LIN28B: variants seen among roughly 807,000 people sequenced by gnomAD.
LIN28B encodes the protein protein lin-28 homolog B.
A neutral mutation model predicts 21.9 loss-of-function variants in LIN28B; 5 were observed. That is an observed-to-expected ratio of 0.23 (90% CI 0.12 to 0.48). The LOEUF is 0.48. Among genes scored for constraint, LIN28B ranks in the 20% least tolerant of loss-of-function variants. The pLI, the probability that LIN28B is intolerant of heterozygous loss-of-function variation, is 0.98. For missense variants in LIN28B, 245 were observed against 310.5 expected (o/e 0.79, Z 1.58); for synonymous variants, 109 against 111.3 (o/e 0.98, Z 0.13).
At chr6:105,073,003 C>T (rs1206509275) in intron 3 of LIN28B, among the ~76,000 whole-genome samples, 2 of 151,962 alleles carry the variant, frequency 1.3e-5, no homozygotes, top group African/African-American at 4.8e-5. Context: ...CAGGATCTGC[C>T]CCTCTTACCT....
chr6:105,026,177 C>A, intron 2 of LIN28B, 121 bp from the exon 3 acceptor site: 1 of 526,264 alleles, frequency 1.9e-6, no homozygotes, highest in South Asian at 6.0e-5. Flanking sequence ...GAACTTAAGA[C>A]TTTATACTTT....
chr6:104,992,520 T>G (rs1398767308), intron 2 of LIN28B, among the ~76,000 whole-genome samples: 1 of 149,290 alleles, frequency 6.7e-6, no homozygotes, highest in African/African-American at 2.5e-5. Flanking sequence ...GTGTGTTTTT[T>G]TTTTAAACAG....
At chr6:105,050,608 CAAAAAAAA>C (rs61464567) in intron 3 of LIN28B, among the ~76,000 whole-genome samples, 55 of 47,614 alleles carry the variant, frequency 1.2e-3, no homozygotes, top group Middle Eastern at 0.026. Context: ...GACTCCGTCT[CAAAAAAAA>C]AAAAAAAAAA....
intron 3 of LIN28B, among the ~76,000 whole-genome samples, chr6:105,029,499 T>TCC (rs1771373027): frequency 6.6e-6 from 1 of 152,010 alleles, no homozygotes; most frequent in Non-Finnish European, 1.5e-5. Flanking sequence ...GAAGGTAGGA[T>TCC]AAGGCGAGAT....
intron 3 of LIN28B, among the ~76,000 whole-genome samples, chr6:105,029,522 T>C (rs1451959322): frequency 6.6e-6 from 1 of 152,034 alleles, no homozygotes; most frequent in Non-Finnish European, 1.5e-5. Context: ...CTCTTTTTTA[T>C]GCTGGTTTTT....
intron 2 of LIN28B, among the ~76,000 whole-genome samples, chr6:104,991,655 G>A (rs1414329445): frequency 1.3e-5 from 2 of 152,172 alleles, no homozygotes; most frequent in Non-Finnish European, 2.9e-5. Flanking sequence ...GGGAGGCCAA[G>A]GCAGGCGGCT....
At chr6:105,047,172 T>C (rs903749171) in intron 3 of LIN28B, among the ~76,000 whole-genome samples, 1 of 152,242 alleles carries the variant, frequency 6.6e-6, no homozygotes, top group African/African-American at 2.4e-5. Flanking sequence ...AAGTCTTTAA[T>C]TCATATTGAA....
chr6:105,033,456 T>C (rs1406801482), intron 3 of LIN28B, among the ~76,000 whole-genome samples: 1 of 152,088 alleles, frequency 6.6e-6, no homozygotes, highest in Non-Finnish European at 1.5e-5. Flanking sequence ...AGACTGTTTA[T>C]AAAAGAAAAT....
intron 2 of LIN28B, among the ~76,000 whole-genome samples, chr6:104,973,514 C>T (rs1408927410): frequency 1.3e-5 from 2 of 152,130 alleles, no homozygotes; most frequent in Non-Finnish European, 2.9e-5. Flanking sequence ...TAGTCTCCTT[C>T]TCCTCTCTTT....
intron 2 of LIN28B, among the ~76,000 whole-genome samples, chr6:104,958,670 C>T (rs1313683737): frequency 3.3e-5 from 5 of 152,022 alleles, no homozygotes; most frequent in African/African-American, 1.2e-4. Context: ...AAAAACAAAG[C>T]GAAACAGTTT....
At chr6:104,943,727 T>C (rs1269100686) in intron 2 of LIN28B, among the ~76,000 whole-genome samples, 1 of 152,196 alleles carries the variant, frequency 6.6e-6, no homozygotes, top group African/African-American at 2.4e-5. Context: ...ACCTGTACCT[T>C]ATTTCCTTGA....
intron 2 of LIN28B, among the ~76,000 whole-genome samples, chr6:104,960,378 T>G (rs1280559102): frequency 6.6e-6 from 1 of 152,160 alleles, no homozygotes; most frequent in East Asian, 1.9e-4. Context: ...TCAAGACGAT[T>G]TCATAGAATT....
intron 1 of LIN28B, among the ~76,000 whole-genome samples, 163 bp from the exon 2 acceptor site, chr6:104,957,936 T>C (rs573452048): frequency 1.3e-5 from 2 of 152,164 alleles, no homozygotes; most frequent in East Asian, 3.9e-4. Flanking sequence ...CCCTTTTCAT[T>C]TTAAGTATTT....
chr6:105,072,283 A>AT (rs1158050645), intron 3 of LIN28B, among the ~76,000 whole-genome samples: 1 of 152,142 alleles, frequency 6.6e-6, no homozygotes, highest in Non-Finnish European at 1.5e-5. Flanking sequence ...TACAATTTAG[A>AT]TATTGTAGTT....
Position 105,051,157 on chromosome 6 carries a change from C to T in LIN28B, c.383+24675C>T, listed in dbSNP as rs964417585. 6.7e-5 allele frequency among the ~76,000 whole-genome samples: 10 copies of T among 150,358 alleles called. 1 individual carries two copies. Among genetic ancestry groups the T allele is most frequent in the African/African-American group, 2.0e-4 (8 of 40,726 alleles). On this transcript the variant is annotated intron_variant, in intron 3 of 3. Transcript: ENST00000345080. ...TAATAATGAGTAAAAGAAAAAGCTG[C>T]GGGCTGGGCACAGTGGCTCATGCCT...
intron 3 of LIN28B, among the ~76,000 whole-genome samples, chr6:105,033,287 A>G (rs1373162914): frequency 2.0e-5 from 3 of 152,134 alleles, no homozygotes; most frequent in African/African-American, 4.8e-5. Flanking sequence ...ACATGGTATT[A>G]ATATGTTTAA....
intron 2 of LIN28B, among the ~76,000 whole-genome samples, chr6:104,999,423 C>G (rs144227078): frequency 1.4e-3 from 215 of 152,182 alleles, no homozygotes; most frequent in African/African-American, 4.8e-3. Flanking sequence ...CCAGGCATAA[C>G]CCACCTAACC....
upstream of LIN28B, among the ~76,000 whole-genome samples, chr6:104,956,792 A>G (rs958451958): frequency 6.6e-6 from 1 of 152,168 alleles, no homozygotes; most frequent in African/African-American, 2.4e-5. Context: ...ACGCGTGTGC[A>G]CATATATGAC....
At chr6:104,938,833 C>T (rs904895143) in intron 2 of LIN28B, among the ~76,000 whole-genome samples, 1 of 151,960 alleles carries the variant, frequency 6.6e-6, no homozygotes, top group African/African-American at 2.4e-5. Context: ...TTATAATGTC[C>T]CATTTTTTAT....
Sources: gnomAD v4.1 joint callset for allele counts (sites outside exome capture counted in the v4.1 genomes callset) on GRCh38, gnomAD v4.1.1 for gene constraint, MANE v1.5 for transcripts, NCBI Gene and HGNC (gene_info 2026-07-23, HGNC 2026-07-21) for gene names.